The following IKBKB variants were observed in gnomAD, a reference collection of about 807,000 sequenced individuals.
IKBKB encodes inhibitor of nuclear factor kappa-B kinase subunit beta.
In IKBKB, 42 loss-of-function variants were observed where a neutral mutation model predicts 113.6. The observed-to-expected ratio is 0.37, with a 90% CI of 0.29 to 0.48. The LOEUF (loss-of-function observed/expected upper bound fraction) is 0.48. IKBKB is among the 20% of genes least tolerant of loss of function. The probability of loss-of-function intolerance (pLI) is 0.99; values close to 1 mark genes in which losing one functional copy is unlikely to be tolerated. For synonymous variants in IKBKB, 296 were observed against 361.3 expected (o/e 0.82, Z 2.05); for missense variants, 673 against 939.7 (o/e 0.72, Z 3.71).
chr8:42,298,895 C>T lies in IKBKB; in HGVS notation c.388+5383C>T, dbSNP rs556653880. ...ACTGCTTCCCACAGGCTCTGTGTCT[C>T]ATCTCCACTGCCTGCCCCTGCATTC... On this transcript the variant is annotated intron_variant, in intron 5 of 21. Transcript: ENST00000520810. 5.3e-5 allele frequency among the ~76,000 whole-genome samples: 8 copies of T among 152,294 alleles called. No homozygotes were observed. The South Asian group carries it at 1.0e-3, about 20-fold the overall frequency.
intron 20 of IKBKB, among the ~76,000 whole-genome samples, chr8:42,326,686 G>A (rs1023609659): frequency 2.6e-5 from 4 of 152,168 alleles, no homozygotes; most frequent in Non-Finnish European, 4.4e-5. Flanking sequence ...TAGATGCTCA[G>A]GTCTGAGCTT....
Position 42,329,180 on chromosome 8 carries a change from A to G in IKBKB, c.2171A>G (p.Gln724Arg), listed in dbSNP as rs777055240. 1.9e-6 allele frequency: 3 copies of G among 1,604,254 alleles called. No individual in the cohort carries two copies. Among genetic ancestry groups the G allele is most frequent in the African/African-American group, 1.3e-5 (1 of 74,514 alleles). ...NLCTLLENAI[Q>R]DTVREQDQSF... is the part of the protein sequence containing the mutation. ...TGCACCCTGCTAGAAAATGCCATAC[A>G]GGACACTGTGAGGGAACAAGACCAG... The change falls in exon 21 of 22, where the codon CAG becomes CGG. Residue 724 changes from glutamine to arginine, a missense_variant. Physicochemically the swap from Gln to Arg is conservative, Grantham distance 43. Transcript: ENST00000520810.
chr8:42,318,159 G>C (rs1819046987), intron 12 of IKBKB, among the ~76,000 whole-genome samples: 1 of 152,072 alleles, frequency 6.6e-6, no homozygotes, highest in Non-Finnish European at 1.5e-5. Context: ...TATTCAGGAG[G>C]CTGAGGCAGA....
chr8:42,277,905 G>T (rs1321837721), intron 2 of IKBKB, among the ~76,000 whole-genome samples: 1 of 152,210 alleles, frequency 6.6e-6, no homozygotes, highest in Non-Finnish European at 1.5e-5. Flanking sequence ...CATCCACTCT[G>T]CCAGTCCACA....
chr8:42,300,398 C>T (rs1379667272), intron 5 of IKBKB, among the ~76,000 whole-genome samples: 6 of 152,236 alleles, frequency 3.9e-5, no homozygotes, highest in Admixed American at 3.9e-4. Context: ...GACCATTTCT[C>T]TTTCCACCTG....
At chr8:42,288,808 G>T (rs1585593365) in intron 3 of IKBKB, 80 bp downstream of exon 3, 2 of 1,175,854 alleles carry the variant, frequency 1.7e-6, no homozygotes, top group East Asian at 5.4e-5. Flanking sequence ...AGTCTTGCTG[G>T]GTGCGTGGCT....
intron 5 of IKBKB, among the ~76,000 whole-genome samples, chr8:42,301,996 TTTA>T (rs1399964141): frequency 6.6e-6 from 1 of 152,112 alleles, no homozygotes; most frequent in Non-Finnish European, 1.5e-5. Context: ...AACCTACACT[TTTA>T]TGTATTACAT....
rs1300171902 is a variant in IKBKB at position 42,314,442 on chromosome 8, G to C, written c.800+13G>C. On this transcript the variant is annotated intron_variant, in intron 9 of 21. Coordinates refer to ENST00000520810, the MANE Select transcript of IKBKB (RefSeq NM_001556.3). Reference sequence around the variant, plus strand: ...ATAATCTTAACAGGTAAGGCACAGCGGCATTACACGAATACATATCTTTCT... The same window carrying C: ...ATAATCTTAACAGGTAAGGCACAGCCGCATTACACGAATACATATCTTTCT... 2.1e-6 allele frequency: 3 copies of C among 1,453,462 alleles called. No individual in the cohort carries two copies. Among genetic ancestry groups the C allele is most frequent in the Non-Finnish European group, 2.9e-6 (3 of 1,033,912 alleles). The allele number at this position is 1,453,462 out of a possible 1,614,324, so 90.0% of individuals were successfully genotyped here.
intron 2 of IKBKB, among the ~76,000 whole-genome samples, chr8:42,284,651 C>T (rs1811043160): frequency 6.6e-6 from 1 of 151,566 alleles, no homozygotes; most frequent in African/African-American, 2.4e-5. Flanking sequence ...TTATGGAAAA[C>T]TGTGGAACTT....
intron 15 of IKBKB, 75 bp downstream of exon 15, chr8:42,319,721 C>A: frequency 8.3e-7 from 1 of 1,206,572 alleles, no homozygotes; most frequent in Non-Finnish European, 1.2e-6. Flanking sequence ...ACTTTCTCAT[C>A]AAACACTGGG....
rs957729602 is a variant in IKBKB at position 42,311,267 on chromosome 8, A to T, written c.692+2242A>T. Among the ~76,000 whole-genome samples, 3 of 152,314 alleles carry T rather than the reference A, an allele frequency of 2.0e-5. No individual in the cohort carries two copies. The South Asian group carries it at 6.2e-4, about 32-fold the overall frequency. On this transcript the variant is annotated intron_variant, in intron 8 of 21. Transcript: ENST00000520810. ...GTCTACATCTTGAGAGTATTTGTTTATAAGAATAAAGTGGGCCAGGCGTGG... is the reference window on the plus strand; with the variant it reads ...GTCTACATCTTGAGAGTATTTGTTTTTAAGAATAAAGTGGGCCAGGCGTGG...
intron 2 of IKBKB, among the ~76,000 whole-genome samples, chr8:42,273,560 C>T (rs1186456639): frequency 6.6e-6 from 1 of 151,928 alleles, no homozygotes; most frequent in Non-Finnish European, 1.5e-5. Context: ...ATCCATATTT[C>T]AAATAATTAA....
At chr8:42,320,971 G>T (rs1819671998) in intron 16 of IKBKB, 127 bp downstream of exon 16, 2 of 538,934 alleles carry the variant, frequency 3.7e-6, no homozygotes, top group African/African-American at 2.0e-5. Context: ...TTCCCTGTGG[G>T]GTCACTTCCA....
chr8:42,297,020 T>C (rs1390139119), intron 5 of IKBKB, among the ~76,000 whole-genome samples: 1 of 152,214 alleles, frequency 6.6e-6, no homozygotes, highest in Non-Finnish European at 1.5e-5. Context: ...CAGTGCCTTC[T>C]TTAGGGCATG....
chr8:42,317,302 G>A, intron 11 of IKBKB: 1 of 420,828 alleles, frequency 2.4e-6, no homozygotes, highest in East Asian at 5.1e-5. Context: ...AGGCACCTGT[G>A]TTAACTATAG....
chr8:42,279,349 G>A (rs1157622512), intron 2 of IKBKB, among the ~76,000 whole-genome samples: 1 of 152,188 alleles, frequency 6.6e-6, no homozygotes, highest in Admixed American at 6.5e-5. Context: ...TTTACTCCAC[G>A]TAACAACAGT....
chr8:42,287,665 G>T (rs1345373147), intron 2 of IKBKB, among the ~76,000 whole-genome samples: 2 of 152,202 alleles, frequency 1.3e-5, no homozygotes, highest in South Asian at 4.1e-4. Context: ...CTAGAGGCTT[G>T]TTTTCAAGCC....
intron 20 of IKBKB, 54 bp downstream of exon 20, chr8:42,326,151 C>T (rs1351936607): frequency 3.2e-5 from 52 of 1,604,778 alleles, no homozygotes; most frequent in Admixed American, 1.0e-4. Context: ...GTCAGGAGAT[C>T]GGGGATGGAG....
At position 42,290,296 on chromosome 8, in the gene IKBKB, G is replaced by A. The variant is rs1237841027; in HGVS notation, c.318+23G>A. 2.6e-6 allele frequency: 4 copies of A among 1,520,790 alleles called. No individual in the cohort carries two copies. In the East Asian group the frequency reaches 9.0e-5, roughly 34 times the overall value. The allele number at this position is 1,520,790 out of a possible 1,614,324, so 94.2% of individuals were successfully genotyped here. A position where few individuals can be genotyped will look rare whatever the true frequency, so the allele number is the denominator to read the frequency against. ...AAGGTGAGGCTCCCACGGCTGCCAG[G>A]TGCACAGCCTGTCTGGGCAGGTGGG... On this transcript the variant is annotated intron_variant, in intron 4 of 21. Transcript: ENST00000520810.
Sources: gnomAD v4.1 joint callset for allele counts (sites outside exome capture counted in the v4.1 genomes callset) on GRCh38, gnomAD v4.1.1 for gene constraint, MANE v1.5 for transcripts, NCBI Gene and HGNC (gene_info 2026-07-23, HGNC 2026-07-21) for gene names.